The following SUCLG2 variants were observed in gnomAD, a reference collection of about 807,000 sequenced individuals.
SUCLG2 encodes the protein succinate--CoA ligase [GDP-forming] subunit beta, mitochondrial.
A neutral mutation model predicts 47.9 loss-of-function variants in SUCLG2; 42 were observed. The ratio of observed to expected loss-of-function variants is 0.88; its 90% CI spans 0.69 to 1.14. The LOEUF is 1.14. Among genes scored for constraint, SUCLG2 ranks in the 50% most tolerant of loss-of-function variants. The probability of loss-of-function intolerance (pLI) is 0.00; values close to 1 mark genes in which losing one functional copy is unlikely to be tolerated. For synonymous variants in SUCLG2, 195 were observed against 197.3 expected, an observed-to-expected ratio of 0.99 and a Z score of 0.10; for missense variants, 571 against 525.9, an observed-to-expected ratio of 1.09 and a Z score of -0.84.
chr3:67,516,114 C>A (rs1018003257), intron 6 of SUCLG2, among the ~76,000 whole-genome samples: 1 of 152,138 alleles, frequency 6.6e-6, no homozygotes, highest in African/African-American at 2.4e-5. Context: ...CTGAGCAGCA[C>A]CCTATCAGTG....
chr3:67,634,192 A>G (rs974958823), intron 1 of SUCLG2, among the ~76,000 whole-genome samples: 3 of 152,136 alleles, frequency 2.0e-5, no homozygotes, highest in African/African-American at 4.8e-5. Context: ...GTGTCTTGTA[A>G]AAAGCTCTTT....
At chr3:67,576,484 T>A (rs1707745385) in intron 2 of SUCLG2, among the ~76,000 whole-genome samples, 1 of 152,156 alleles carries the variant, frequency 6.6e-6, no homozygotes, top group Non-Finnish European at 1.5e-5. Flanking sequence ...CATTCACAAG[T>A]GTGTTGAAAC....
Position 67,498,207 on chromosome 3 carries a change from A to G in SUCLG2, c.846T>C (p.Asn282=), listed in dbSNP as rs1379774223. The change falls in exon 8 of 11, where the codon AAT becomes AAC. Residue 282 remains asparagine, a synonymous_variant. Transcript: ENST00000307227. ...DIFAMDDKSE[N]EPIENEAAKY... The stretch of plus-strand genomic sequence containing the variant: ...TGGCAGCTTCATTTTCAATGGGCTC[A>G]TTCTCTGATTTGTCGTCCATAGCAA... 6.2e-7 allele frequency: 1 copy of G among 1,613,872 alleles called. No individual in the cohort carries two copies. The highest frequency in any genetic ancestry group is 1.3e-5 in the African/African-American group (1 of 75,038).
intron 10 of SUCLG2, among the ~76,000 whole-genome samples, chr3:67,387,956 T>C: frequency 6.6e-6 from 1 of 151,278 alleles, no homozygotes. Flanking sequence ...AGCTACTAGA[T>C]GGCTGGGAAA....
At chr3:67,580,849 C>CA (rs1348917138) in intron 2 of SUCLG2, among the ~76,000 whole-genome samples, 1 of 152,030 alleles carries the variant, frequency 6.6e-6, no homozygotes, top group African/African-American at 2.4e-5. Flanking sequence ...CAATAAATGT[C>CA]AAATTAAATT....
intron 2 of SUCLG2, among the ~76,000 whole-genome samples, chr3:67,546,197 G>T (rs982993291): frequency 6.6e-6 from 1 of 152,084 alleles, no homozygotes. Context: ...TTACTTCTTG[G>T]AGTAAAAGAA....
At chr3:67,546,562 C>T (rs1001849980) in intron 2 of SUCLG2, among the ~76,000 whole-genome samples, 31 of 152,120 alleles carry the variant, frequency 2.0e-4, no homozygotes, top group Admixed American at 2.0e-3. Flanking sequence ...TGGTGAAACC[C>T]CGTCTCTACT....
chr3:67,492,817 T>C (rs1197174981), intron 9 of SUCLG2, among the ~76,000 whole-genome samples: 1 of 152,172 alleles, frequency 6.6e-6, no homozygotes, highest in East Asian at 1.9e-4. Flanking sequence ...TAGGTCCAAG[T>C]GAAAATCAGC....
chr3:67,424,627 C>A (rs12485908), intron 9 of SUCLG2, among the ~76,000 whole-genome samples: 16,728 of 152,140 alleles, frequency 0.11, 1,050 homozygotes, highest in African/African-American at 0.16. Context: ...AATAGATAAT[C>A]ATGTCTTAAA....
intron 10 of SUCLG2, among the ~76,000 whole-genome samples, chr3:67,393,024 A>G (rs906839545): frequency 6.6e-6 from 1 of 151,840 alleles, no homozygotes; most frequent in Admixed American, 6.6e-5. Context: ...TAAGAAAAAA[A>G]AAATTGGGGA....
chr3:67,500,122 C>G (rs1705457292), intron 7 of SUCLG2, among the ~76,000 whole-genome samples: 1 of 152,222 alleles, frequency 6.6e-6, no homozygotes, highest in South Asian at 2.1e-4. Context: ...GCATTGCTGA[C>G]AGGCACCTGA....
intron 10 of SUCLG2, among the ~76,000 whole-genome samples, chr3:67,362,540 G>A (rs2106739075): frequency 6.6e-6 from 1 of 152,222 alleles, no homozygotes; most frequent in African/African-American, 2.4e-5. Flanking sequence ...TGATAGTTAA[G>A]CTGGTCTCCT....
intron 7 of SUCLG2, among the ~76,000 whole-genome samples, chr3:67,505,589 CA>C (rs1705614203): frequency 6.6e-6 from 1 of 152,078 alleles, no homozygotes; most frequent in South Asian, 2.1e-4. Flanking sequence ...ACTTGTTGTA[CA>C]AATATATGAA....
intron 2 of SUCLG2, among the ~76,000 whole-genome samples, chr3:67,573,598 G>A (rs1707670937): frequency 6.6e-6 from 1 of 152,104 alleles, no homozygotes; most frequent in Non-Finnish European, 1.5e-5. Context: ...CCACATGGGA[G>A]GGGGTCCCTG....
chr3:67,651,280 CAT>C (rs940490280), intron 1 of SUCLG2, among the ~76,000 whole-genome samples: 6 of 152,196 alleles, frequency 3.9e-5, no homozygotes, highest in Non-Finnish European at 8.8e-5. Flanking sequence ...CAGGTCTCCA[CAT>C]GATTTGGCCC....
chr3:67,617,592 T>C (rs930478221), intron 1 of SUCLG2, among the ~76,000 whole-genome samples: 2 of 152,172 alleles, frequency 1.3e-5, no homozygotes, highest in African/African-American at 4.8e-5. Flanking sequence ...TCTCCCTGTT[T>C]TGCACACTGT....
intron 7 of SUCLG2, among the ~76,000 whole-genome samples, chr3:67,501,319 T>C (rs888657427): frequency 9.2e-5 from 14 of 152,202 alleles, no homozygotes; most frequent in Admixed American, 7.9e-4. Flanking sequence ...ACTTTAAGGA[T>C]GTAAAGGGAT....
At chr3:67,466,207 G>C (rs748139225) in intron 9 of SUCLG2, among the ~76,000 whole-genome samples, 18 of 152,254 alleles carry the variant, frequency 1.2e-4, no homozygotes, top group African/African-American at 2.2e-4. Context: ...ACAAAAGTTA[G>C]CCAGGCATGG....
intron 6 of SUCLG2, among the ~76,000 whole-genome samples, chr3:67,511,492 AG>A (rs542344467): frequency 1.3e-5 from 2 of 152,124 alleles, no homozygotes; most frequent in East Asian, 3.9e-4. Context: ...GGTTTTATAA[AG>A]GGGGGGTTCC....
Sources: gnomAD v4.1 joint callset for allele counts (sites outside exome capture counted in the v4.1 genomes callset) on GRCh38, gnomAD v4.1.1 for gene constraint, MANE v1.5 for transcripts, NCBI Gene and HGNC (gene_info 2026-07-23, HGNC 2026-07-21) for gene names.